PRDM5: variants seen among roughly 807,000 people sequenced by gnomAD.
The protein encoded by PRDM5 is PR domain zinc finger protein 5.
PRDM5 carries 56 observed loss-of-function variants against 81.2 expected under a neutral mutation model. The ratio of observed to expected loss-of-function variants is 0.69; its 90% CI spans 0.56 to 0.86. The LOEUF is 0.86. PRDM5 is among the 40% of genes least tolerant of loss of function. PRDM5 has a pLI of 0.00. For missense variants in PRDM5, 697 were observed against 770.1 expected, an observed-to-expected ratio of 0.91 and a Z score of 1.12; for synonymous variants, 267 against 256.4, an observed-to-expected ratio of 1.04 and a Z score of -0.39.
At chr4:120,862,318 T>G (rs1249673388) in intron 2 of PRDM5, among the ~76,000 whole-genome samples, 4 of 152,220 alleles carry the variant, frequency 2.6e-5, no homozygotes, top group Non-Finnish European at 5.9e-5. Context: ...AATTTATACC[T>G]TCAGTATGAG....
intron 2 of PRDM5, among the ~76,000 whole-genome samples, chr4:120,873,055 A>G (rs571772694): frequency 6.6e-6 from 1 of 152,204 alleles, no homozygotes; most frequent in Non-Finnish European, 1.5e-5. Context: ...AAACTGGAGT[A>G]CAGTGGTTCA....
rs576209335 is a variant in PRDM5 at position 120,920,431 on chromosome 4, A to G, written c.93+2085T>C. 3.3e-5 allele frequency among the ~76,000 whole-genome samples: 5 copies of G among 152,240 alleles called. No homozygotes were observed. In the East Asian group the frequency reaches 7.7e-4, roughly 24 times the overall value. ...TAAATCTCTCTTCTCAGATCCCTTG[A>G]TTTATGTCCAGAATTAGGCCTAGTA... is the stretch of plus-strand genomic sequence containing the variant. On this transcript the variant is annotated intron_variant, in intron 1 of 15. Coordinates refer to ENST00000264808, the MANE Select transcript of PRDM5 (RefSeq NM_018699.4).
At chr4:120,915,549 C>T (rs1226087326) in intron 1 of PRDM5, among the ~76,000 whole-genome samples, 3 of 152,206 alleles carry the variant, frequency 2.0e-5, no homozygotes, top group Admixed American at 6.5e-5. Context: ...ACAGTGTACA[C>T]CTCCTGTCCT....
chr4:120,828,387 T>C (rs1458027657), intron 3 of PRDM5, among the ~76,000 whole-genome samples: 2 of 152,006 alleles, frequency 1.3e-5, no homozygotes, highest in Non-Finnish European at 2.9e-5. Flanking sequence ...ATGGGAAAAC[T>C]GAGGCTCAGA....
At position 120,729,483 on chromosome 4, in the gene PRDM5, A is replaced by G. The variant is rs1436912005; in HGVS notation, c.1624-19070T>C. 5.3e-5 allele frequency among the ~76,000 whole-genome samples: 8 copies of G among 152,146 alleles called. 1 individual carries two copies. The highest frequency in any genetic ancestry group is 1.3e-4 in the Admixed American group (2 of 15,276). On this transcript the variant is annotated intron_variant, in intron 14 of 15. Transcript: ENST00000264808. ...AATAATTCACACAGCCTAAACACCAATCTTGATATAAACTTGCCATGTGAC... is the reference window on the plus strand; with the variant it reads ...AATAATTCACACAGCCTAAACACCAGTCTTGATATAAACTTGCCATGTGAC...
intron 8 of PRDM5, among the ~76,000 whole-genome samples, chr4:120,802,770 A>G (rs1255418519): frequency 1.3e-5 from 2 of 152,232 alleles, no homozygotes; most frequent in Non-Finnish European, 2.9e-5. Flanking sequence ...AGCAGAGCAG[A>G]AAAGCTGAAA....
intron 14 of PRDM5, among the ~76,000 whole-genome samples, chr4:120,744,165 T>C (rs1478760996): frequency 6.6e-6 from 1 of 152,004 alleles, no homozygotes; most frequent in Non-Finnish European, 1.5e-5. Flanking sequence ...CTGAACAACG[T>C]GCTCCTGAAT....
chr4:120,803,603 C>A (rs1752450682), intron 8 of PRDM5, among the ~76,000 whole-genome samples: 1 of 152,208 alleles, frequency 6.6e-6, no homozygotes, highest in Admixed American at 6.5e-5. Context: ...TCCAGCCAAA[C>A]TAAGCTTCAT....
intron 12 of PRDM5, among the ~76,000 whole-genome samples, chr4:120,779,513 A>G (rs1004190784): frequency 2.0e-5 from 3 of 152,178 alleles, no homozygotes; most frequent in African/African-American, 7.2e-5. Context: ...AGAGAGCTAA[A>G]AACACCAGAT....
chr4:120,835,402 A>G (rs553900332), intron 3 of PRDM5, among the ~76,000 whole-genome samples: 3 of 152,314 alleles, frequency 2.0e-5, no homozygotes, highest in African/African-American at 7.2e-5. Flanking sequence ...ATGCATGTAC[A>G]CACATATTTG....
chr4:120,690,430 G>A (rs1349319159), downstream of PRDM5, among the ~76,000 whole-genome samples: 4 of 151,860 alleles, frequency 2.6e-5, no homozygotes, highest in African/African-American at 7.3e-5. Flanking sequence ...CCATCATCGC[G>A]GACTGAAAAG....
Position 120,695,957 on chromosome 4 carries a change from T to C in PRDM5, c.1729-682A>G, listed in dbSNP as rs144877415. Among the ~76,000 whole-genome samples the C allele has an allele frequency of 1.9e-3, 288 of 152,126 alleles. 1 individual carries two copies. The highest frequency in any genetic ancestry group is 3.1e-3 in the Non-Finnish European group (212 of 67,974). Reference sequence around the variant, plus strand: ...CATGTTAAATAATGTGAAAACACCATGAAAAATATAATGAGAGAGGAAATG... The same window carrying C: ...CATGTTAAATAATGTGAAAACACCACGAAAAATATAATGAGAGAGGAAATG... On this transcript the variant is annotated intron_variant, in intron 15 of 15. Transcript: ENST00000264808.
At chr4:120,898,046 T>A (rs1764843533) in intron 2 of PRDM5, among the ~76,000 whole-genome samples, 1 of 152,226 alleles carries the variant, frequency 6.6e-6, no homozygotes, top group Admixed American at 6.5e-5. Context: ...GTTTAGAGGA[T>A]CCAGGTATTA....
intron 3 of PRDM5, among the ~76,000 whole-genome samples, chr4:120,827,895 A>C (rs778902157): frequency 4.6e-5 from 7 of 152,126 alleles, no homozygotes; most frequent in Non-Finnish European, 7.4e-5. Flanking sequence ...AAAATAGAAA[A>C]TACAATGCCC....
intron 15 of PRDM5, 127 bp downstream of exon 15, chr4:120,710,181 AG>A (rs1486437970): frequency 1.6e-5 from 12 of 770,188 alleles, no homozygotes; most frequent in Non-Finnish European, 2.5e-5. Context: ...AGACATTAAC[AG>A]GCATAGGCAC....
At chr4:120,736,433 G>A (rs559568673) in intron 14 of PRDM5, among the ~76,000 whole-genome samples, 1 of 152,224 alleles carries the variant, frequency 6.6e-6, no homozygotes, top group East Asian at 1.9e-4. Context: ...GATGATGCTG[G>A]TAGTGGCCAG....
intron 14 of PRDM5, among the ~76,000 whole-genome samples, chr4:120,724,972 A>T (rs1281584129): frequency 6.6e-6 from 1 of 152,322 alleles, no homozygotes; most frequent in East Asian, 1.9e-4. Context: ...AGTCAAACTT[A>T]AAAATGCTGA....
intron 14 of PRDM5, among the ~76,000 whole-genome samples, chr4:120,725,960 A>T (rs1282683897): frequency 1.3e-5 from 2 of 152,118 alleles, no homozygotes; most frequent in Non-Finnish European, 2.9e-5. Flanking sequence ...GAACAAGCTT[A>T]GTTACCAAGG....
rs761373449 is a variant in PRDM5, at chr4:120,811,353, A to T, written c.945+17T>A. ...AAAGATAGATATTAAACTGTGATGA[A>T]TTTTTATCTTACTGACCTTTCTATG... is the stretch of plus-strand genomic sequence containing the variant. On this transcript the variant is annotated intron_variant, in intron 8 of 15. Coordinates refer to ENST00000264808, the MANE Select transcript of PRDM5 (RefSeq NM_018699.4). 28 of 1,527,520 alleles carry T rather than the reference A, an allele frequency of 1.8e-5. No individual in the cohort carries two copies. Among genetic ancestry groups the T allele is most frequent in the Non-Finnish European group, 2.3e-5 (25 of 1,106,734 alleles). The allele number at this position is 1,527,520 out of a possible 1,614,324, so 94.6% of individuals were successfully genotyped here. A position where few individuals can be genotyped will look rare whatever the true frequency, so the allele number is the denominator to read the frequency against.
Sources: allele counts gnomAD v4.1 joint callset (sites outside exome capture counted in the v4.1 genomes callset), GRCh38; gene constraint gnomAD v4.1.1; transcripts MANE v1.5; gene names NCBI Gene and HGNC (gene_info 2026-07-23, HGNC 2026-07-21).